The following CD163L1 variants were observed in gnomAD, a reference collection of about 807,000 sequenced individuals.
CD163L1 encodes the protein CD163 molecule like 1, also known as scavenger receptor cysteine-rich type 1 protein M160.
In CD163L1, 124 loss-of-function variants were observed where a neutral mutation model predicts 165.4. The ratio of observed to expected loss-of-function variants is 0.75; its 90% CI spans 0.65 to 0.87. The LOEUF is 0.87. Among genes scored for constraint, CD163L1 ranks in the 40% least tolerant of loss-of-function variants. The pLI is 0.00. For synonymous variants in CD163L1, 585 were observed against 662.2 expected, an observed-to-expected ratio of 0.88 and a Z score of 1.79; for missense variants, 1,525 against 1,799.9, an observed-to-expected ratio of 0.85 and a Z score of 2.76.
Position 7,411,890 on chromosome 12 carries a change from G to A in CD163L1, c.767-5038C>T, listed in dbSNP as rs1056795940. On this transcript the variant is annotated intron_variant, in intron 4 of 19. Transcript: ENST00000313599. ...GGAAAATTTGTGTTGACTACAAAGT[G>A]TTAACCCAGTTAATTACAAACAACT... Among the ~76,000 whole-genome samples the A allele has an allele frequency of 6.3e-4, 96 of 152,308 alleles. 1 individual carries two copies. The Middle Eastern group carries it at 0.014, about 22-fold the overall frequency.
rs746375792 is a variant in CD163L1, at chr12:7,362,974, T to A, written c.4279+4262A>T. Reference sequence around the variant, plus strand: ...AAATTAAGAAAATTAAGAGATTTTTTAAAAAAATGGAAATGAAAACACAAC... The same window carrying A: ...AAATTAAGAAAATTAAGAGATTTTTAAAAAAAATGGAAATGAAAACACAAC... On this transcript the variant is annotated intron_variant, in intron 18 of 19. Transcript: ENST00000313599. Among the ~76,000 whole-genome samples the A allele has an allele frequency of 4.5e-3, 680 of 151,736 alleles. 3 individuals carry two copies. Among genetic ancestry groups the A allele is most frequent in the African/African-American group, 0.015 (633 of 41,404 alleles).
At chr12:7,399,050 C>G (rs914511526) in intron 6 of CD163L1, among the ~76,000 whole-genome samples, 1 of 152,174 alleles carries the variant, frequency 6.6e-6, no homozygotes, top group African/African-American at 2.4e-5. Flanking sequence ...ACTGCCCTTT[C>G]ATAAAATAAA....
chr12:7,366,834 T>C (rs1286163448), intron 18 of CD163L1, among the ~76,000 whole-genome samples: 1 of 152,148 alleles, frequency 6.6e-6, no homozygotes, highest in African/African-American at 2.4e-5. Context: ...ATTATAAATG[T>C]ACAAATATAG....
At chr12:7,394,532 G>A (rs1947732434) in intron 8 of CD163L1, among the ~76,000 whole-genome samples, 1 of 152,060 alleles carries the variant, frequency 6.6e-6, no homozygotes, top group African/African-American at 2.4e-5. Flanking sequence ...CATAAGCATG[G>A]GCAAGGACTT....
chr12:7,388,625 T>C (rs540963328), intron 8 of CD163L1, among the ~76,000 whole-genome samples: 92 of 151,778 alleles, frequency 6.1e-4, no homozygotes, highest in African/African-American at 2.2e-3. Context: ...ATGCCAGTGG[T>C]CCTAGCTACT....
At chr12:7,388,199 A>G (rs767055124) in intron 8 of CD163L1, among the ~76,000 whole-genome samples, 1 of 152,352 alleles carries the variant, frequency 6.6e-6, no homozygotes, top group South Asian at 2.1e-4. Context: ...AAATACTCCA[A>G]GACATTGGTG....
intron 4 of CD163L1, among the ~76,000 whole-genome samples, chr12:7,428,159 CT>C (rs1488082777): frequency 1.3e-5 from 2 of 152,010 alleles, no homozygotes; most frequent in African/African-American, 4.8e-5. Flanking sequence ...AAAATCCTAG[CT>C]GTTTTGATTG....
intron 4 of CD163L1, among the ~76,000 whole-genome samples, chr12:7,419,253 A>C (rs1250662931): frequency 1.3e-5 from 2 of 152,148 alleles, no homozygotes; most frequent in Admixed American, 6.6e-5. Context: ...CAGAATTAAA[A>C]GCGAAAATCA....
the CD163L1 span, chr12:7,328,164 G>A: frequency 1.5e-6 from 1 of 676,242 alleles, no homozygotes; most frequent in Non-Finnish European, 2.4e-6. Flanking sequence ...AATTCAATGA[G>A]CTTAGGCTAA....
intron 4 of CD163L1, among the ~76,000 whole-genome samples, chr12:7,422,751 A>ATGTGTG (rs72061380): frequency 6.9e-6 from 1 of 143,894 alleles, no homozygotes; most frequent in Non-Finnish European, 1.5e-5. Flanking sequence ...ATATATACAT[A>ATGTGTG]TGTGTGTGTG....
At chr12:7,365,127 C>G (rs911495972) in intron 18 of CD163L1, among the ~76,000 whole-genome samples, 2 of 151,622 alleles carry the variant, frequency 1.3e-5, no homozygotes, top group East Asian at 1.9e-4. Context: ...CATTTATAGC[C>G]AAGCCACTCT....
chr12:7,421,585 A>ACATATATG (rs1948423432), intron 4 of CD163L1, among the ~76,000 whole-genome samples: 2 of 121,194 alleles, frequency 1.7e-5, no homozygotes, highest in African/African-American at 7.4e-5. Context: ...ATGTACATAT[A>ACATATATG]TACATATACA....
rs1565779753 is a variant in CD163L1 at position 7,374,608 on chromosome 12, C to T, written c.3243G>A (p.Val1081=). The change falls in exon 13 of 20, where the codon GTG becomes GTA. Residue 1081 remains valine, a synonymous_variant. Transcript: ENST00000313599. The surrounding 1 kb of genome is among the most constrained non-coding windows in gnomAD (Gnocchi z 5.4). Reference sequence around the variant, plus strand: ...GAGCAGAGACCGTGGCATTGAAGGCCACTCCACAGCCCAGCTTTTGACACA... The same window carrying T: ...GAGCAGAGACCGTGGCATTGAAGGCTACTCCACAGCCCAGCTTTTGACACA... ...HVVCQKLGCG[V]AFNATVSAHF... The T allele has an allele frequency of 3.1e-6, 5 of 1,614,190 alleles. No homozygotes were observed. The highest frequency in any genetic ancestry group is 4.2e-6 in the Non-Finnish European group (5 of 1,180,032).
Position 7,367,224 on chromosome 12 carries a change from A to C in CD163L1, c.4279+12T>G. ...CCTCTCCATGGAGTGCGGCCCCTGG[A>C]GTTGCACAGACCTGAGGTTCTTGTC... On this transcript the variant is annotated intron_variant, in intron 18 of 19. Coordinates refer to ENST00000313599, the MANE Select transcript of CD163L1 (RefSeq NM_174941.6). The C allele has an allele frequency of 6.4e-7, 1 of 1,571,004 alleles. No homozygotes were observed. Among genetic ancestry groups the C allele is most frequent in the South Asian group, 1.1e-5 (1 of 88,472 alleles).
intron 2 of CD163L1, among the ~76,000 whole-genome samples, chr12:7,437,822 A>G (rs1362885616): frequency 4.6e-5 from 7 of 151,782 alleles, no homozygotes; most frequent in Non-Finnish European, 7.4e-5. Flanking sequence ...TCAGTCAACC[A>G]TATAATAATT....
rs1022400743 is a variant in CD163L1 at position 7,400,056 on chromosome 12, A to ATG, written c.1409-1474_1409-1473dup. Among the ~76,000 whole-genome samples the ATG allele has an allele frequency of 2.0e-4, 30 of 151,952 alleles. No individual in the cohort carries two copies. Among genetic ancestry groups the ATG allele is most frequent in the Admixed American group, 3.9e-4 (6 of 15,228 alleles). On this transcript the variant is annotated intron_variant, in intron 6 of 19. Transcript: ENST00000313599. This position sits in a 1 kb window ranked among gnomAD's most constrained non-coding sequence, Gnocchi z 4.1. ...AATCTTACATTCTATTCAACCTAGTATGTGTGTGTGTGTATTTTAAAACAT... is the reference window on the plus strand; with the variant it reads ...AATCTTACATTCTATTCAACCTAGTATGTGTGTGTGTGTGTATTTTAAAACAT...
chr12:7,322,672 C>A, the CD163L1 span: 1 of 1,155,854 alleles, frequency 8.7e-7, no homozygotes, highest in Non-Finnish European at 1.2e-6. Context: ...CTCACCTTGC[C>A]AGTAGTTACC....
chr12:7,397,352 G>T (rs1391922284), intron 7 of CD163L1, among the ~76,000 whole-genome samples: 1 of 152,144 alleles, frequency 6.6e-6, no homozygotes, highest in Non-Finnish European at 1.5e-5. Flanking sequence ...TTCCCGGAAA[G>T]AAACTCGTGT....
In CD163L1 at chr12:7,408,093, A is replaced by C. The variant is rs200750971; in HGVS notation, c.767-1241T>G. 6.0e-5 allele frequency among the ~76,000 whole-genome samples: 9 copies of C among 150,216 alleles called. No individual in the cohort carries two copies. In the South Asian group the frequency reaches 1.5e-3, roughly 24 times the overall value. On this transcript the variant is annotated intron_variant, in intron 4 of 19. Coordinates refer to ENST00000313599, the MANE Select transcript of CD163L1 (RefSeq NM_174941.6). ...GAACACTACATATATATATATATAT[A>C]TCATATATATGCCTAGGTCTTCCAA... is the stretch of plus-strand genomic sequence containing the variant.
Sources: allele counts gnomAD v4.1 joint callset (sites outside exome capture counted in the v4.1 genomes callset), GRCh38; gene constraint gnomAD v4.1.1; non-coding constraint Gnocchi (gnomAD v3.1); transcripts MANE v1.5; gene names NCBI Gene and HGNC (gene_info 2026-07-23, HGNC 2026-07-21).